The following GPR158 variants were observed in gnomAD, a reference collection of about 807,000 sequenced individuals.
The protein encoded by GPR158 is G protein-coupled receptor 158.
Under a neutral mutation model 78.2 loss-of-function variants are expected in GPR158, and 30 were observed. The observed-to-expected ratio is 0.38, with a 90% confidence interval of 0.29 to 0.52. The LOEUF (loss-of-function observed/expected upper bound fraction) is 0.52, where lower values mean the gene tolerates loss of function less well. GPR158 is among the 20% of genes least tolerant of loss of function. The pLI is 0.83. For missense variants in GPR158, 1,463 were observed against 1,523.5 expected (o/e 0.96, Z 0.66); for synonymous variants, 581 against 591.1 (o/e 0.98, Z 0.25).
chr10:25,410,846 A>C (rs1450035021), intron 3 of GPR158, among the ~76,000 whole-genome samples: 1 of 152,192 alleles, frequency 6.6e-6, no homozygotes, highest in African/African-American at 2.4e-5. Flanking sequence ...ATATTCAATT[A>C]TGCTTTTGCT....
At chr10:25,569,390 T>A (rs1374288471) in intron 6 of GPR158, among the ~76,000 whole-genome samples, 1 of 152,204 alleles carries the variant, frequency 6.6e-6, no homozygotes, top group Non-Finnish European at 1.5e-5. Context: ...ACAAATCCAC[T>A]ATTAGCTCTC....
rs182853545 is a variant in GPR158 at position 25,422,364 on chromosome 10, G to T, written c.1335+9891G>T. Among the ~76,000 whole-genome samples the T allele has an allele frequency of 2.5e-3, 378 of 152,132 alleles. 2 individuals carry two copies. The highest frequency in any genetic ancestry group is 8.5e-3 in the African/African-American group (351 of 41,504). On this transcript the variant is annotated intron_variant, in intron 4 of 10. Coordinates refer to ENST00000376351, the MANE Select transcript of GPR158 (RefSeq NM_020752.3). ...GCCTTGGTATTAGATTCTCATAGGGGCACAAACCCTATTGTGAACTGCACA... is the reference window on the plus strand; with the variant it reads ...GCCTTGGTATTAGATTCTCATAGGGTCACAAACCCTATTGTGAACTGCACA...
At position 25,411,933 on chromosome 10, in the gene GPR158, CAAAAAAAAAAAAAAAAAAAAAAAA is replaced by C. The variant is rs1164005677; in HGVS notation, c.1112-303_1112-280del. On this transcript the variant is annotated intron_variant, in intron 3 of 10. Transcript: ENST00000376351. Reference sequence around the variant, plus strand: ...TGGGCGACAGAGCGAGACTCTATCACAAAAAAAAAAAAAAAAAAAAAAAAAAAAAAAAAAAAAGACTTAGAAAAC... The same window carrying C: ...TGGGCGACAGAGCGAGACTCTATCACAAAAAAAAAAAAAGACTTAGAAAAC... Among the ~76,000 whole-genome samples the C allele has an allele frequency of 1.1e-4, 5 of 47,486 alleles. No individual in the cohort carries two copies. In the East Asian group the frequency reaches 3.7e-3, roughly 35 times the overall value. The allele number at this position is 47,486 out of a possible 152,430, so 31.2% of individuals were successfully genotyped here. A position where few individuals can be genotyped will look rare whatever the true frequency, so the allele number is the denominator to read the frequency against.
chr10:25,443,946 G>A (rs1835103850), intron 4 of GPR158, among the ~76,000 whole-genome samples: 1 of 152,162 alleles, frequency 6.6e-6, no homozygotes, highest in South Asian at 2.1e-4. Context: ...TTTTGGGTAT[G>A]TTCCCTGTAG....
rs551922855 is a variant in GPR158, at chr10:25,283,471, A to C, written c.1008+62314A>C. ...AAATCAGACATTGGTGATGACCTTG[A>C]GCAGTAGGATATAAATAACTCCCGG... On this transcript the variant is annotated intron_variant, in intron 2 of 10. Coordinates refer to ENST00000376351, the MANE Select transcript of GPR158 (RefSeq NM_020752.3). Among the ~76,000 whole-genome samples, 6 of 152,170 alleles carry C rather than the reference A, an allele frequency of 3.9e-5. No individual in the cohort carries two copies. In the East Asian group the frequency reaches 1.2e-3, roughly 29 times the overall value.
intron 1 of GPR158, among the ~76,000 whole-genome samples, chr10:25,186,049 G>C (rs1171842100): frequency 1.3e-5 from 2 of 152,106 alleles, no homozygotes; most frequent in Non-Finnish European, 2.9e-5. Context: ...AATCAAACTA[G>C]AACTCAGGAT....
intron 1 of GPR158, among the ~76,000 whole-genome samples, chr10:25,192,143 C>T (rs1852779654): frequency 6.6e-6 from 1 of 152,122 alleles, no homozygotes; most frequent in African/African-American, 2.4e-5. Flanking sequence ...GCAGCTTCCC[C>T]TGAGCTGTTC....
At chr10:25,590,402 T>A (rs1259995764) in intron 8 of GPR158, among the ~76,000 whole-genome samples, 1 of 151,996 alleles carries the variant, frequency 6.6e-6, no homozygotes, top group Non-Finnish European at 1.5e-5. Context: ...AGATTATAAA[T>A]ACGCAAAGGA....
At position 25,439,946 on chromosome 10, in the gene GPR158, G is replaced by A. The variant is rs145575002; in HGVS notation, c.1336-26705G>A. On this transcript the variant is annotated intron_variant, in intron 4 of 10. Transcript: ENST00000376351. ...GAGGAGCTGCACGTTTTCTCTTTCC[G>A]TTGAATATTTTTAGAAATGAGCTTT... Among the ~76,000 whole-genome samples, 3 of 152,216 alleles carry A rather than the reference G, an allele frequency of 2.0e-5. No individual in the cohort carries two copies. In the East Asian group the frequency reaches 5.8e-4, roughly 29 times the overall value.
chr10:25,309,554 C>A (rs1254776460), intron 2 of GPR158, among the ~76,000 whole-genome samples: 2 of 151,890 alleles, frequency 1.3e-5, no homozygotes, highest in South Asian at 2.1e-4. Flanking sequence ...TTATAAAGTT[C>A]AGTTTTTCTA....
chr10:25,443,572 AAT>A (rs1491160433), intron 4 of GPR158, among the ~76,000 whole-genome samples: 2 of 131,124 alleles, frequency 1.5e-5, no homozygotes, highest in African/African-American at 2.8e-5. Context: ...AAAAAAAAAA[AAT>A]TTTTTTTTTT....
chr10:25,458,440 A>G (rs16925895), intron 4 of GPR158, among the ~76,000 whole-genome samples: 10,143 of 152,200 alleles, frequency 0.067, 1,003 homozygotes, highest in African/African-American at 0.22. Context: ...GTCAGATTGG[A>G]TGCACAGAGG....
Position 25,574,923 on chromosome 10 carries a change from CA to C in GPR158, c.1753+2037del, listed in dbSNP as rs376450026. On this transcript the variant is annotated intron_variant, in intron 7 of 10. Coordinates refer to ENST00000376351, the MANE Select transcript of GPR158 (RefSeq NM_020752.3). ...ACAAAAAAAATAGTGAAGGATGGGCCAGGGGCAGTGGCTCACACCTGTAATT... is the reference window on the plus strand; with the variant it reads ...ACAAAAAAAATAGTGAAGGATGGGCCGGGGCAGTGGCTCACACCTGTAATT... 5.0e-4 allele frequency among the ~76,000 whole-genome samples: 76 copies of C among 151,778 alleles called. 1 individual carries two copies. In the East Asian group the frequency reaches 0.01, roughly 21 times the overall value.
chr10:25,479,732 A>G (rs1322807186), intron 5 of GPR158, among the ~76,000 whole-genome samples: 1 of 152,084 alleles, frequency 6.6e-6, no homozygotes, highest in Non-Finnish European at 1.5e-5. Context: ...ATTGTTCTTT[A>G]TCATTTTATT....
intron 2 of GPR158, among the ~76,000 whole-genome samples, chr10:25,292,664 G>A (rs1408002108): frequency 6.6e-6 from 1 of 152,030 alleles, no homozygotes; most frequent in African/African-American, 2.4e-5. Context: ...AAAGATTAAA[G>A]ATTTTAAAGA....
At chr10:25,256,215 A>G (rs189060047) in intron 2 of GPR158, among the ~76,000 whole-genome samples, 4 of 152,298 alleles carry the variant, frequency 2.6e-5, no homozygotes, top group Non-Finnish European at 5.9e-5. Flanking sequence ...AGTAAACACC[A>G]AACAGCGTTT....
intron 2 of GPR158, among the ~76,000 whole-genome samples, chr10:25,350,051 A>G (rs1395976477): frequency 6.6e-6 from 1 of 151,950 alleles, no homozygotes; most frequent in African/African-American, 2.4e-5. Flanking sequence ...ATAAAGTTAA[A>G]CTATGGAGTG....
intron 2 of GPR158, among the ~76,000 whole-genome samples, chr10:25,367,194 A>C (rs1855736539): frequency 6.6e-6 from 1 of 151,554 alleles, no homozygotes; most frequent in East Asian, 1.9e-4. Flanking sequence ...GTAGGGGAAA[A>C]TTTTATATTT....
intron 1 of GPR158, among the ~76,000 whole-genome samples, chr10:25,213,551 G>C (rs1298773970): frequency 6.6e-6 from 1 of 151,776 alleles, no homozygotes; most frequent in Non-Finnish European, 1.5e-5. Context: ...AAATCTACAT[G>C]CATAGTTAAA....
Sources: allele counts gnomAD v4.1 joint callset (sites outside exome capture counted in the v4.1 genomes callset), GRCh38; gene constraint gnomAD v4.1.1; transcripts MANE v1.5; gene names NCBI Gene and HGNC (gene_info 2026-07-23, HGNC 2026-07-21).